Variants in BATF2 observed in about 807,000 individuals in gnomAD.
The protein encoded by BATF2 is basic leucine zipper ATF-like transcription factor 2.
A neutral mutation model predicts 7.3 loss-of-function variants in BATF2; 4 were observed. That is an observed-to-expected ratio of 0.55 (90% CI 0.27 to 1.26). The LOEUF is 1.26. Among genes scored for constraint, BATF2 ranks in the 50% most tolerant of loss-of-function variants. The pLI is 0.11. For missense variants in BATF2, 295 were observed against 340.5 expected (o/e 0.87, Z 1.05); for synonymous variants, 152 against 153.9 (o/e 0.99, Z 0.09).
At position 64,989,436 on chromosome 11, in the gene BATF2, C is replaced by T. The variant is rs1313487768; in HGVS notation, c.518G>A (p.Ser173Asn). 2 of 1,607,582 alleles carry T rather than the reference C, an allele frequency of 1.2e-6. No homozygotes were observed. The highest frequency in any genetic ancestry group is 1.7e-6 in the Non-Finnish European group (2 of 1,176,462). Residue 173 changes from serine (S) to asparagine (N), a missense_variant, in exon 3 of 3, where the codon AGC (serine) becomes AAC (asparagine). Ser to Asn is a conservative substitution (Grantham distance 46, BLOSUM62 1). Transcript: ENST00000301887. This position sits in a 1 kb window ranked among gnomAD's most constrained non-coding sequence, Gnocchi z 4.3. ...AGTGTGCGAGGCAAACAGGAGAGGG[C>T]TGGGGGACAGCTGGACAGGAGGTTC... The part of the protein sequence containing the change: ...VAEPPVQLSP[S>N]PLLFASHTGS...
In BATF2 at chr11:64,989,567, G is replaced by A; in HGVS notation, c.387C>T (p.Ser129=). The A allele has an allele frequency of 2.5e-6, 4 of 1,589,584 alleles. No individual in the cohort carries two copies. Among genetic ancestry groups the A allele is most frequent in the Non-Finnish European group, 3.4e-6 (4 of 1,168,596 alleles). Residue 129 remains serine, a synonymous_variant, in exon 3 of 3, where the codon TCC becomes TCT. Transcript: ENST00000301887. The surrounding 1 kb of genome is among the most constrained non-coding windows in gnomAD (Gnocchi z 4.3). ...GAGAGAGCGGCTGAGCTGGGTAACA[G>A]GAACCCGGGGTCTGGAACAGCTCCA... ...EQLELFQTPG[S]CYPAQPLSPG...
intron 1 of BATF2, 25 bp from the exon 2 acceptor site, chr11:64,994,574 C>T: frequency 6.4e-7 from 1 of 1,571,324 alleles, no homozygotes; most frequent in Non-Finnish European, 8.6e-7. Context: ...GCAGAGGACT[C>T]AGGGGGCCCA....
At chr11:64,995,902 A>G (rs1229136032) in intron 1 of BATF2, among the ~76,000 whole-genome samples, 2 of 152,352 alleles carry the variant, frequency 1.3e-5, no homozygotes, top group African/African-American at 4.8e-5. Flanking sequence ...CTGTGAGATA[A>G]GCAGAGCCTC....
Position 64,994,511 on chromosome 11 carries a change from C to T in BATF2, c.78G>A (p.Lys26=). 1.9e-6 allele frequency: 3 copies of T among 1,604,184 alleles called. No individual in the cohort carries two copies. The highest frequency in any genetic ancestry group is 2.6e-6 in the Non-Finnish European group (3 of 1,175,466). ...KEQQRQLKKQ[K]NRAAAQRSRQ... ...GGCTTCGCTGGGCGGCTGCCCGGTT[C>T]TTCTGCTTCTTCAGCTGCCTTTGTT... Residue 26 remains lysine (K), a synonymous_variant, in exon 2 of 3, where the codon AAG becomes AAA. Transcript: ENST00000301887.
chr11:64,994,889 A>G (rs1190241968), intron 1 of BATF2, among the ~76,000 whole-genome samples: 1 of 152,058 alleles, frequency 6.6e-6, no homozygotes, highest in East Asian at 1.9e-4. Context: ...TCTGTTGCCC[A>G]GGCTGGAGTA....
chr11:64,996,647 C>T (rs954394443), intron 1 of BATF2, among the ~76,000 whole-genome samples: 11 of 152,200 alleles, frequency 7.2e-5, no homozygotes, highest in African/African-American at 1.2e-4. Context: ...AGTTCTAAAC[C>T]GAAGGCTGGA....
chr11:64,993,098 G>A (rs754339663), intron 2 of BATF2, among the ~76,000 whole-genome samples: 15 of 152,106 alleles, frequency 9.9e-5, no homozygotes, highest in Non-Finnish European at 1.8e-4. Context: ...AGTGGTTCAC[G>A]CCTGTAATCC....
chr11:64,995,548 G>A (rs770200004), intron 1 of BATF2, among the ~76,000 whole-genome samples: 10 of 152,184 alleles, frequency 6.6e-5, no homozygotes, highest in Admixed American at 1.3e-4. Flanking sequence ...GGTTTATTCC[G>A]GTGGAAGAGT....
rs749294533 is a variant in BATF2 at position 64,996,895 on chromosome 11, T to C, written c.20A>G (p.Asn7Ser). The change falls in exon 1 of 3, where the codon AAT (asparagine) becomes AGT (serine). Residue 7 changes from asparagine to serine, a missense_variant. Transcript: ENST00000301887. MHLCGG[N>S]GLLTQTDPKE... ...ACTCACTGTCTGGGTCAGCAGCCCA[T>C]TGCCCCCACAGAGGTGCATGGCTTA... 1.9e-6 allele frequency: 3 copies of C among 1,608,104 alleles called. No homozygotes were observed. Among genetic ancestry groups the C allele is most frequent in the Non-Finnish European group, 2.5e-6 (3 of 1,177,182 alleles).
rs79966370 is a variant in BATF2 at position 64,996,797 on chromosome 11, G to A, written c.39+79C>T. The A allele has an allele frequency of 3.2e-3, 4,958 of 1,563,492 alleles. 136 individuals are homozygous for A. In the African/African-American group the frequency reaches 0.057, roughly 18 times the overall value. ...GAGCTGGGACTAGGAGCTCCCGACTGCAGCCCTCACTGCCTGGGCACTGAG... is the reference window on the plus strand; with the variant it reads ...GAGCTGGGACTAGGAGCTCCCGACTACAGCCCTCACTGCCTGGGCACTGAG... On this transcript the variant is annotated intron_variant, in intron 1 of 2. Coordinates refer to ENST00000301887, the MANE Select transcript of BATF2 (RefSeq NM_138456.4).
intron 2 of BATF2, among the ~76,000 whole-genome samples, chr11:64,993,548 G>A (rs970773919): frequency 1.6e-4 from 24 of 152,176 alleles, no homozygotes; most frequent in Admixed American, 1.4e-3. Flanking sequence ...CTCCAAAACT[G>A]TGAGAAATAA....
chr11:64,989,128 G>A lies in BATF2; in HGVS notation c.*1C>T. The A allele has an allele frequency of 6.2e-7, 1 of 1,614,152 alleles. No homozygotes were observed. The highest frequency in any genetic ancestry group is 8.5e-7 in the Non-Finnish European group (1 of 1,180,026). ...GGGCCAACCCAGCTCCGAAGACCAG[G>A]TTAGAAGTGGACTTGAGCAGAGGAG... On this transcript the variant is annotated 3_prime_UTR_variant, in exon 3 of 3. Coordinates refer to ENST00000301887, the MANE Select transcript of BATF2 (RefSeq NM_138456.4). The surrounding 1 kb of genome is among the most constrained non-coding windows in gnomAD (Gnocchi z 4.3).
intron 2 of BATF2, chr11:64,990,701 C>T: frequency 1.2e-6 from 1 of 810,794 alleles, no homozygotes; most frequent in Non-Finnish European, 1.5e-6. Context: ...AATTGAACGA[C>T]TTCCTTCAGT....
intron 1 of BATF2, among the ~76,000 whole-genome samples, chr11:64,996,607 C>G (rs1370078004): frequency 1.3e-5 from 2 of 152,082 alleles, no homozygotes; most frequent in Non-Finnish European, 2.9e-5. Flanking sequence ...GGACCAGGTA[C>G]GTTAGGAGAG....
At chr11:64,992,732 A>G (rs1946086272) in intron 2 of BATF2, among the ~76,000 whole-genome samples, 1 of 151,892 alleles carries the variant, frequency 6.6e-6, no homozygotes. Flanking sequence ...GTGATGGTGC[A>G]TGCCTGTAGT....
chr11:64,994,583 C>A, intron 1 of BATF2, 34 bp from the exon 2 acceptor site: 1 of 1,560,554 alleles, frequency 6.4e-7, no homozygotes, highest in East Asian at 2.3e-5. Flanking sequence ...TCAGGGGGCC[C>A]AGCCAGGCCT....
Position 64,996,906 on chromosome 11 carries a change from G to T in BATF2, c.9C>A (p.Leu3=). Residue 3 remains leucine (L), a synonymous_variant, in exon 1 of 3, where the codon CTC becomes CTA. Coordinates refer to ENST00000301887, the MANE Select transcript of BATF2 (RefSeq NM_138456.4). ...GGGTCAGCAGCCCATTGCCCCCACA[G>T]AGGTGCATGGCTTAGGCGGGGGAGC... The part of the protein sequence containing the change: MH[L]CGGNGLLTQT... 1 of 1,604,758 alleles carries T rather than the reference G, an allele frequency of 6.2e-7. No homozygotes were observed.
At chr11:64,990,077 G>A (rs2136875336) in intron 2 of BATF2, 1 of 1,536,028 alleles carries the variant, frequency 6.5e-7, no homozygotes, top group African/African-American at 1.4e-5. Context: ...TTCTCACCTG[G>A]GATATGCACG....
At position 64,996,923 on chromosome 11, in the gene BATF2, CG is replaced by C; in HGVS notation, c.-10del. The C allele has an allele frequency of 6.3e-7, 1 of 1,592,236 alleles. No individual in the cohort carries two copies. On this transcript the variant is annotated 5_prime_UTR_variant, in exon 1 of 3. Transcript: ENST00000301887. ...CCCCCACAGAGGTGCATGGCTTAGG[CG>C]GGGGAGCAGAGTGGTCCCTCAGCAG... is the stretch of plus-strand genomic sequence containing the variant.
Sources: allele counts gnomAD v4.1 joint callset (sites outside exome capture counted in the v4.1 genomes callset), GRCh38; gene constraint gnomAD v4.1.1; non-coding constraint Gnocchi (gnomAD v3.1); transcripts MANE v1.5; gene names NCBI Gene and HGNC (gene_info 2026-07-23, HGNC 2026-07-21).